Variants in IGF1R observed in about 807,000 individuals in gnomAD.
IGF1R encodes the protein insulin like growth factor 1 receptor.
In IGF1R, 44 loss-of-function variants were observed where a neutral mutation model predicts 144.6. That is an observed-to-expected ratio of 0.30 (90% CI 0.24 to 0.39). The LOEUF is 0.39. Among genes scored for constraint, IGF1R ranks in the 10% least tolerant of loss-of-function variants. IGF1R has a pLI of 1.00. For missense variants in IGF1R, 1,355 were observed against 1,833.7 expected (o/e 0.74, Z 4.77); for synonymous variants, 795 against 722.8 (o/e 1.10, Z -1.60).
intron 2 of IGF1R, among the ~76,000 whole-genome samples, chr15:98,725,825 G>A (rs746860462): frequency 2.8e-4 from 43 of 152,278 alleles, no homozygotes; most frequent in Non-Finnish European, 2.4e-4. Flanking sequence ...CTTACATGGT[G>A]GCAGCAAGAG....
intron 1 of IGF1R, among the ~76,000 whole-genome samples, chr15:98,671,704 A>G (rs1347552078): frequency 6.6e-6 from 1 of 152,164 alleles, no homozygotes; most frequent in East Asian, 1.9e-4. Context: ...GCCATTTCCC[A>G]CTTCCTGATT....
intron 15 of IGF1R, among the ~76,000 whole-genome samples, chr15:98,932,214 C>G (rs952302288): frequency 1.3e-5 from 2 of 152,182 alleles, no homozygotes; most frequent in African/African-American, 4.8e-5. Flanking sequence ...TTATTGCCAC[C>G]CAGGTCGACA....
At chr15:98,745,365 G>A (rs1222038769) in intron 2 of IGF1R, among the ~76,000 whole-genome samples, 1 of 152,246 alleles carries the variant, frequency 6.6e-6, no homozygotes. Context: ...GCCCCATGTG[G>A]TTGTGTGTCA....
At chr15:98,835,304 G>A (rs2057079787) in intron 2 of IGF1R, among the ~76,000 whole-genome samples, 2 of 152,088 alleles carry the variant, frequency 1.3e-5, no homozygotes, top group Admixed American at 1.3e-4. Flanking sequence ...TATGTGTAGG[G>A]GACTAGATGG....
chr15:98,801,385 ACAAAGAGAG>A (rs2056360698), intron 2 of IGF1R, among the ~76,000 whole-genome samples: 1 of 152,234 alleles, frequency 6.6e-6, no homozygotes, highest in South Asian at 2.1e-4. Context: ...TGGGGGCAGA[ACAAAGAGAG>A]CGGGCATTGT....
intron 15 of IGF1R, 131 bp from the exon 16 acceptor site, chr15:98,934,693 C>T: frequency 2.6e-6 from 2 of 772,080 alleles, no homozygotes; most frequent in Non-Finnish European, 4.6e-6. Context: ...CAAGCCATGC[C>T]ATCGCCTCCT....
At chr15:98,862,288 G>A (rs1298352273) in intron 2 of IGF1R, among the ~76,000 whole-genome samples, 1 of 152,208 alleles carries the variant, frequency 6.6e-6, no homozygotes, top group Non-Finnish European at 1.5e-5. Flanking sequence ...AAAGGACAAG[G>A]AGTTGTCACA....
intron 2 of IGF1R, among the ~76,000 whole-genome samples, chr15:98,806,842 C>G (rs1343954435): frequency 6.6e-6 from 1 of 152,098 alleles, no homozygotes; most frequent in African/African-American, 2.4e-5. Flanking sequence ...GACCCTAAGC[C>G]TAACGTGATC....
chr15:98,684,489 T>C (rs1464325922), intron 1 of IGF1R, among the ~76,000 whole-genome samples: 1 of 152,188 alleles, frequency 6.6e-6, no homozygotes, highest in Non-Finnish European at 1.5e-5. Flanking sequence ...CAGTACTCTT[T>C]CCAGGTTATA....
At chr15:98,810,875 A>G (rs1166530412) in intron 2 of IGF1R, among the ~76,000 whole-genome samples, 1 of 152,020 alleles carries the variant, frequency 6.6e-6, no homozygotes, top group Admixed American at 6.5e-5. Context: ...AGTGTAATTC[A>G]GGAGTTGGCA....
intron 2 of IGF1R, among the ~76,000 whole-genome samples, chr15:98,757,941 C>T (rs535890474): frequency 1.3e-5 from 2 of 152,266 alleles, no homozygotes; most frequent in East Asian, 3.9e-4. Context: ...CTACCGGTGC[C>T]TAACAATTTG....
chr15:98,829,331 CTGA>C (rs2056959168), intron 2 of IGF1R, among the ~76,000 whole-genome samples: 1 of 151,428 alleles, frequency 6.6e-6, no homozygotes, highest in Non-Finnish European at 1.5e-5. Flanking sequence ...TGGAATTGCT[CTGA>C]TGTTTTTTTC....
At chr15:98,764,696 C>G (rs1225859668) in intron 2 of IGF1R, among the ~76,000 whole-genome samples, 1 of 152,200 alleles carries the variant, frequency 6.6e-6, no homozygotes, top group Non-Finnish European at 1.5e-5. Flanking sequence ...TTATACTGTT[C>G]TATTTCCAGC....
At chr15:98,852,716 C>T (rs1224364727) in intron 2 of IGF1R, among the ~76,000 whole-genome samples, 2 of 152,196 alleles carry the variant, frequency 1.3e-5, no homozygotes, top group Admixed American at 6.5e-5. Context: ...TCCCTCCCTC[C>T]GCCTCCCGCC....
intron 15 of IGF1R, among the ~76,000 whole-genome samples, chr15:98,931,027 A>G (rs1446835648): frequency 6.6e-6 from 1 of 152,158 alleles, no homozygotes; most frequent in African/African-American, 2.4e-5. Flanking sequence ...TTTTACAAAC[A>G]CCATCCCATT....
Position 98,649,030 on chromosome 15 carries a change from C to CAGGAGG in IGF1R, c.-539_-534dup, listed in dbSNP as rs139163109. ...GGGAGGAGGCGGCGGCGAGCGGAGC[C>CAGGAGG]AGGAGGAGGAGGAGGAGGGGGAGCC... is the stretch of plus-strand genomic sequence containing the variant. On this transcript the variant is annotated 5_prime_UTR_variant, in exon 1 of 21. Transcript: ENST00000650285. 2.2e-3 allele frequency: 467 copies of CAGGAGG among 209,964 alleles called. No individual in the cohort carries two copies. The highest frequency in any genetic ancestry group is 3.4e-3 in the Non-Finnish European group (352 of 104,084). The allele number at this position is 209,964 out of a possible 1,614,324, so 13.0% of individuals were successfully genotyped here.
chr15:98,892,377 C>T (rs1334133446), intron 3 of IGF1R, among the ~76,000 whole-genome samples: 1 of 151,800 alleles, frequency 6.6e-6, no homozygotes, highest in African/African-American at 2.4e-5. Context: ...GTGATGAAAC[C>T]CTGTCTCTAC....
chr15:98,661,873 G>T (rs565176577), intron 1 of IGF1R, among the ~76,000 whole-genome samples: 10 of 151,886 alleles, frequency 6.6e-5, no homozygotes, highest in African/African-American at 2.4e-4. Flanking sequence ...TCCTCATGGT[G>T]GGTGGCCCTG....
At chr15:98,726,270 T>C (rs2054357414) in intron 2 of IGF1R, among the ~76,000 whole-genome samples, 1 of 152,104 alleles carries the variant, frequency 6.6e-6, no homozygotes, top group African/African-American at 2.4e-5. Context: ...TTTCCTATGA[T>C]TTTCCTGCCC....
Sources: allele counts gnomAD v4.1 joint callset (sites outside exome capture counted in the v4.1 genomes callset), GRCh38; gene constraint gnomAD v4.1.1; transcripts MANE v1.5; gene names NCBI Gene and HGNC (gene_info 2026-07-23, HGNC 2026-07-21).